GALNT17: variants seen among roughly 807,000 people sequenced by gnomAD.
GALNT17 encodes the protein polypeptide N-acetylgalactosaminyltransferase 17.
GALNT17 carries 29 observed loss-of-function variants against 63.7 expected under a neutral mutation model. The observed-to-expected ratio is 0.46, with a 90% CI of 0.34 to 0.62. The LOEUF is 0.62. Among genes scored for constraint, GALNT17 ranks in the 20% least tolerant of loss-of-function variants. The pLI, the probability that GALNT17 is intolerant of heterozygous loss-of-function variation, is 0.01. For synonymous variants in GALNT17, 305 were observed against 318.3 expected (o/e 0.96, Z 0.45); for missense variants, 603 against 799.6 (o/e 0.75, Z 2.97).
chr7:71,206,891 G>C (rs951605721), intron 1 of GALNT17, among the ~76,000 whole-genome samples: 1 of 152,140 alleles, frequency 6.6e-6, no homozygotes, highest in Middle Eastern at 3.4e-3. Flanking sequence ...GGATCACGAG[G>C]TCAGGAGATC....
intron 1 of GALNT17, among the ~76,000 whole-genome samples, chr7:71,302,908 C>A (rs58521476): frequency 6.6e-6 from 1 of 152,128 alleles, no homozygotes; most frequent in Non-Finnish European, 1.5e-5. Flanking sequence ...GTCGCCCAGG[C>A]TGGAGTGGTG....
At position 71,428,169 on chromosome 7, in the gene GALNT17, T is replaced by C. The variant is rs367751382; in HGVS notation, c.962+7064T>C. On this transcript the variant is annotated intron_variant, in intron 5 of 10. Transcript: ENST00000333538. ...GGCAATAAGAACATTCCCAGTGTTG[T>C]GCAACTATCTCCACGATCTACTTCC... 2.6e-5 allele frequency among the ~76,000 whole-genome samples: 4 copies of C among 152,304 alleles called. No homozygotes were observed. The South Asian group carries it at 8.3e-4, about 32-fold the overall frequency.
intron 9 of GALNT17, among the ~76,000 whole-genome samples, chr7:71,680,443 C>T (rs868589425): frequency 2.5e-3 from 83 of 33,752 alleles, no homozygotes; most frequent in Admixed American, 4.4e-3. Context: ...TCCCTCTCTC[C>T]CTTCCTCCCT....
chr7:71,615,880 G>C (rs1379550246), intron 6 of GALNT17, among the ~76,000 whole-genome samples: 2 of 152,152 alleles, frequency 1.3e-5, no homozygotes, highest in Non-Finnish European at 2.9e-5. Context: ...CACTCGGCTT[G>C]ACAGGAGGAA....
At chr7:71,689,047 T>C (rs1791403630) in intron 9 of GALNT17, among the ~76,000 whole-genome samples, 1 of 152,150 alleles carries the variant, frequency 6.6e-6, no homozygotes, top group Non-Finnish European at 1.5e-5. Flanking sequence ...GTGATCAGTA[T>C]CTTTGATGTT....
intron 5 of GALNT17, among the ~76,000 whole-genome samples, chr7:71,456,751 C>T (rs1185915517): frequency 6.6e-6 from 1 of 152,114 alleles, no homozygotes; most frequent in Admixed American, 6.6e-5. Context: ...AGATTTCAAC[C>T]ATTTTAGAAA....
chr7:71,511,350 G>C (rs999378579), intron 5 of GALNT17, among the ~76,000 whole-genome samples: 27 of 152,210 alleles, frequency 1.8e-4, no homozygotes, highest in African/African-American at 5.1e-4. Flanking sequence ...GGCAGAATGA[G>C]GTTAGGGGAG....
chr7:71,290,987 A>G (rs1790969823), intron 1 of GALNT17, among the ~76,000 whole-genome samples: 1 of 152,232 alleles, frequency 6.6e-6, no homozygotes, highest in South Asian at 2.1e-4. Context: ...TGGATCTAGA[A>G]GTAGTAATAC....
At chr7:71,199,596 C>T (rs192551155) in intron 1 of GALNT17, among the ~76,000 whole-genome samples, 1 of 147,298 alleles carries the variant, frequency 6.8e-6, no homozygotes, top group South Asian at 2.2e-4. Flanking sequence ...TTAATCCATT[C>T]ATCTGCTCAC....
At chr7:71,648,295 A>C (rs1164194653) in intron 6 of GALNT17, among the ~76,000 whole-genome samples, 3 of 151,234 alleles carry the variant, frequency 2.0e-5, no homozygotes, top group African/African-American at 7.3e-5. Flanking sequence ...TTAAGAGACA[A>C]AGTCTCACTC....
intron 1 of GALNT17, among the ~76,000 whole-genome samples, chr7:71,238,077 CTA>C (rs1789927804): frequency 6.6e-6 from 1 of 152,218 alleles, no homozygotes. Flanking sequence ...ATCCACTCCA[CTA>C]TTTAATGTAT....
chr7:71,173,874 A>G (rs905801970), intron 1 of GALNT17, among the ~76,000 whole-genome samples: 2 of 152,200 alleles, frequency 1.3e-5, no homozygotes, highest in Non-Finnish European at 2.9e-5. Context: ...ATATCAGAGC[A>G]GTACTTGGCA....
At chr7:71,648,271 T>C (rs867827116) in intron 6 of GALNT17, among the ~76,000 whole-genome samples, 6 of 133,914 alleles carry the variant, frequency 4.5e-5, no homozygotes, top group Middle Eastern at 3.8e-3. Flanking sequence ...CATGAGCTAC[T>C]TTTTTTTTTT....
chr7:71,627,398 A>G (rs544630932), intron 6 of GALNT17, among the ~76,000 whole-genome samples: 182 of 152,344 alleles, frequency 1.2e-3, no homozygotes, highest in Non-Finnish European at 1.9e-3. Flanking sequence ...TAGCCTGGGC[A>G]ACAGAGACAG....
chr7:71,523,235 G>A (rs1788559179), intron 5 of GALNT17, among the ~76,000 whole-genome samples: 2 of 152,204 alleles, frequency 1.3e-5, no homozygotes, highest in South Asian at 4.1e-4. Context: ...GACCAGCCTG[G>A]GCAACATAGC....
chr7:71,528,934 A>G (rs2116773388), intron 5 of GALNT17, among the ~76,000 whole-genome samples: 1 of 152,270 alleles, frequency 6.6e-6, no homozygotes, highest in Non-Finnish European at 1.5e-5. Context: ...CAGGAGTTGG[A>G]GACCAACCTG....
intron 5 of GALNT17, among the ~76,000 whole-genome samples, chr7:71,491,389 C>T (rs1788004854): frequency 1.3e-5 from 2 of 152,108 alleles, no homozygotes; most frequent in African/African-American, 2.4e-5. Flanking sequence ...GACGCCTTCT[C>T]TCCAACAGTT....
At chr7:71,202,760 A>G (rs1421263021) in intron 1 of GALNT17, among the ~76,000 whole-genome samples, 1 of 152,222 alleles carries the variant, frequency 6.6e-6, no homozygotes, top group African/African-American at 2.4e-5. Flanking sequence ...GAACCTTTGT[A>G]ACAAAACCCC....
chr7:71,693,817 G>T (rs368415816), intron 9 of GALNT17, among the ~76,000 whole-genome samples: 1 of 82,256 alleles, frequency 1.2e-5, no homozygotes, highest in Non-Finnish European at 3.7e-5. Flanking sequence ...TTTAAAAAAA[G>T]TTAAAAAAAA....
Sources: gnomAD v4.1 joint callset for allele counts (sites outside exome capture counted in the v4.1 genomes callset) on GRCh38, gnomAD v4.1.1 for gene constraint, MANE v1.5 for transcripts, NCBI Gene and HGNC (gene_info 2026-07-23, HGNC 2026-07-21) for gene names.